USP12: variants seen among roughly 807,000 people sequenced by gnomAD.
USP12 encodes the protein ubiquitin carboxyl-terminal hydrolase 12.
Under a neutral mutation model 45.5 loss-of-function variants are expected in USP12, and 19 were observed. The ratio of observed to expected loss-of-function variants is 0.42; its 90% CI spans 0.29 to 0.61. USP12 has a LOEUF of 0.61. Among genes scored for constraint, USP12 ranks in the 20% least tolerant of loss-of-function variants. USP12 has a pLI of 0.22. For synonymous variants in USP12, 149 were observed against 148.8 expected (o/e 1.00, Z -0.01); for missense variants, 242 against 447.7 (o/e 0.54, Z 4.15).
intron 2 of USP12, among the ~76,000 whole-genome samples, chr13:27,115,104 A>G (rs1565994282): frequency 6.6e-6 from 1 of 152,222 alleles, no homozygotes; most frequent in African/African-American, 2.4e-5. Context: ...ATATAATAAC[A>G]AGACACAGAG....
At chr13:27,118,096 C>T (rs1310024636) in intron 1 of USP12, among the ~76,000 whole-genome samples, 1 of 151,020 alleles carries the variant, frequency 6.6e-6, no homozygotes, top group Non-Finnish European at 1.5e-5. Flanking sequence ...GCCTCTTCAG[C>T]TACACTGGGC....
intron 3 of USP12, among the ~76,000 whole-genome samples, chr13:27,100,667 G>A (rs376559888): frequency 6.6e-6 from 1 of 152,064 alleles, no homozygotes; most frequent in South Asian, 2.1e-4. Context: ...ACCCATTTCC[G>A]GGTCACAAAT....
In USP12 at chr13:27,067,738, T is replaced by C. The variant is rs1323892657; in HGVS notation, c.*1545A>G. The C allele has an allele frequency of 1.3e-5, 2 of 152,030 alleles. No homozygotes were observed. The highest frequency in any genetic ancestry group is 4.8e-5 in the African/African-American group (2 of 41,416). 9.4% of individuals were successfully genotyped at this position (152,030 alleles called of 1,614,324 possible). On this transcript the variant is annotated 3_prime_UTR_variant, in exon 9 of 9. Transcript: ENST00000282344. Reference sequence around the variant, plus strand: ...GCAAAAGGACTTTAGAAAATGACAATTTTTTTTAAATTTACTGCCTGAAAA... The same window carrying C: ...GCAAAAGGACTTTAGAAAATGACAACTTTTTTTAAATTTACTGCCTGAAAA...
At chr13:27,086,474 T>A (rs1481692670) in intron 6 of USP12, among the ~76,000 whole-genome samples, 1 of 151,750 alleles carries the variant, frequency 6.6e-6, no homozygotes, top group African/African-American at 2.4e-5. Context: ...CACAAAAATG[T>A]TAACATTTTA....
intron 6 of USP12, among the ~76,000 whole-genome samples, chr13:27,076,529 C>T (rs1336669205): frequency 1.3e-5 from 2 of 152,190 alleles, no homozygotes; most frequent in African/African-American, 2.4e-5. Context: ...TACATGGTAA[C>T]AATTTTAGGT....
intron 6 of USP12, among the ~76,000 whole-genome samples, chr13:27,078,949 A>T (rs1873620308): frequency 6.6e-6 from 1 of 152,078 alleles, no homozygotes; most frequent in African/African-American, 2.4e-5. Flanking sequence ...ACAATAAAGA[A>T]GTCTCGATAA....
At chr13:27,078,757 A>T (rs1421730493) in intron 6 of USP12, among the ~76,000 whole-genome samples, 1 of 152,148 alleles carries the variant, frequency 6.6e-6, no homozygotes, top group Non-Finnish European at 1.5e-5. Flanking sequence ...AGAAATAGAC[A>T]AGTGCATAAT....
intron 1 of USP12, among the ~76,000 whole-genome samples, chr13:27,150,955 A>G (rs1379255101): frequency 1.3e-5 from 2 of 152,222 alleles, no homozygotes; most frequent in Non-Finnish European, 2.9e-5. Flanking sequence ...GAAAACTCTT[A>G]AACACTGGAT....
At chr13:27,118,102 T>C (rs1295060952) in intron 1 of USP12, among the ~76,000 whole-genome samples, 1 of 151,180 alleles carries the variant, frequency 6.6e-6, no homozygotes, top group Non-Finnish European at 1.5e-5. Context: ...TCAGCTACAC[T>C]GGGCATATGG....
At chr13:27,148,564 C>T (rs1464686274) in intron 1 of USP12, among the ~76,000 whole-genome samples, 3 of 150,654 alleles carry the variant, frequency 2.0e-5, no homozygotes, top group Non-Finnish European at 3.0e-5. Flanking sequence ...ATCCCAGCTA[C>T]TCAGGAGGCT....
At chr13:27,147,308 G>A (rs1403862205) in intron 1 of USP12, among the ~76,000 whole-genome samples, 2 of 152,032 alleles carry the variant, frequency 1.3e-5, no homozygotes, top group Non-Finnish European at 2.9e-5. Flanking sequence ...AATGCATATC[G>A]CCATTTTATT....
intron 1 of USP12, among the ~76,000 whole-genome samples, chr13:27,166,529 T>C (rs1213983621): frequency 1.3e-5 from 2 of 152,192 alleles, no homozygotes; most frequent in East Asian, 1.9e-4. Flanking sequence ...ACATGGATCA[T>C]GGTAGGGCAG....
At chr13:27,082,215 C>G (rs1873792372) in intron 6 of USP12, among the ~76,000 whole-genome samples, 1 of 152,210 alleles carries the variant, frequency 6.6e-6, no homozygotes, top group Non-Finnish European at 1.5e-5. Context: ...TAGCCACCAT[C>G]AGCAACTATT....
intron 2 of USP12, among the ~76,000 whole-genome samples, chr13:27,112,722 T>C (rs1483889261): frequency 6.6e-6 from 1 of 152,184 alleles, no homozygotes; most frequent in African/African-American, 2.4e-5. Flanking sequence ...CCCTTTGACA[T>C]CATGGAACTT....
chr13:27,164,993 T>G (rs1437955875), intron 1 of USP12, among the ~76,000 whole-genome samples: 4 of 149,858 alleles, frequency 2.7e-5, no homozygotes, highest in African/African-American at 9.8e-5. Context: ...TGAAAGAAAA[T>G]AAGTCCTGAA....
At chr13:27,146,267 T>C (rs1877302707) in intron 1 of USP12, among the ~76,000 whole-genome samples, 2 of 152,034 alleles carry the variant, frequency 1.3e-5, no homozygotes, top group African/African-American at 4.8e-5. Context: ...CCAGGTGTGG[T>C]GGTGGGCATC....
chr13:27,145,722 CTTCT>C (rs1566002758), intron 1 of USP12, among the ~76,000 whole-genome samples: 1 of 151,886 alleles, frequency 6.6e-6, no homozygotes, highest in Non-Finnish European at 1.5e-5. Flanking sequence ...CCTAAAGTCC[CTTCT>C]TTATCAACAA....
Position 27,154,857 on chromosome 13 carries a change from C to T in USP12, c.48+16735G>A, listed in dbSNP as rs541244651. On this transcript the variant is annotated intron_variant, in intron 1 of 8. Transcript: ENST00000282344. ...TGAAAGAGGGAAGCAGGACAGTCGC[C>T]GTCCGAGGGAGGTAATGAAAGAAAG... Among the ~76,000 whole-genome samples the T allele has an allele frequency of 5.9e-5, 9 of 152,038 alleles. No homozygotes were observed. In the East Asian group the frequency reaches 1.2e-3, roughly 20 times the overall value.
intron 1 of USP12, among the ~76,000 whole-genome samples, chr13:27,162,444 AGCT>A (rs1418668885): frequency 6.6e-6 from 1 of 152,176 alleles, no homozygotes; most frequent in Non-Finnish European, 1.5e-5. Flanking sequence ...CCCCATCCCT[AGCT>A]GCTGCAGGGC....
Sources: allele counts gnomAD v4.1 joint callset (sites outside exome capture counted in the v4.1 genomes callset), GRCh38; gene constraint gnomAD v4.1.1; transcripts MANE v1.5; gene names NCBI Gene and HGNC (gene_info 2026-07-23, HGNC 2026-07-21).